The following WDR7 variants were observed in gnomAD, a reference collection of about 807,000 sequenced individuals.
The protein encoded by WDR7 is WD repeat domain 7.
Under a neutral mutation model 169.4 loss-of-function variants are expected in WDR7, and 46 were observed. That is an observed-to-expected ratio of 0.27 (90% confidence interval 0.21 to 0.35). The LOEUF (loss-of-function observed/expected upper bound fraction) is 0.35. WDR7 is among the 10% of genes least tolerant of loss of function. The pLI, the probability that WDR7 is intolerant of heterozygous loss-of-function variation, is 1.00. For missense variants in WDR7, 1,534 were observed against 1,859.3 expected (o/e 0.83, Z 3.22); for synonymous variants, 612 against 666.8 (o/e 0.92, Z 1.27).
intron 3 of WDR7, among the ~76,000 whole-genome samples, chr18:56,679,982 A>G (rs1226875892): frequency 6.6e-6 from 1 of 152,198 alleles, no homozygotes; most frequent in Non-Finnish European, 1.5e-5. Flanking sequence ...CAGTTTTCAA[A>G]ACATTTTTTG....
chr18:56,743,207 G>A (rs2043647152), intron 14 of WDR7, among the ~76,000 whole-genome samples: 1 of 152,156 alleles, frequency 6.6e-6, no homozygotes, highest in South Asian at 2.1e-4. Context: ...ATGATGAGGA[G>A]TTGCTTTGTT....
intron 15 of WDR7, among the ~76,000 whole-genome samples, 197 bp downstream of exon 15, chr18:56,757,549 G>A (rs919805291): frequency 6.6e-6 from 1 of 152,010 alleles, no homozygotes; most frequent in Admixed American, 6.6e-5. Context: ...ACAATTTTAT[G>A]TATGATTGGC....
At chr18:56,696,493 C>T in intron 12 of WDR7, 31 bp downstream of exon 12, 1 of 1,555,672 alleles carries the variant, frequency 6.4e-7, no homozygotes, top group Non-Finnish European at 8.7e-7. Flanking sequence ...GATTATTTCA[C>T]TATGGTAGAG....
Position 56,756,713 on chromosome 18 carries a change from C to A in WDR7, c.2120C>A (p.Ala707Asp), listed in dbSNP as rs2043896191. Residue 707 changes from alanine (A) to aspartate (D), a missense_variant, in exon 15 of 28, where the codon GCC becomes GAC. Physicochemically the swap from Ala to Asp is moderately radical, Grantham distance 126. Coordinates refer to ENST00000254442, the MANE Select transcript of WDR7 (RefSeq NM_015285.3). Reference protein sequence around the residue: ...ALIIQLLTEEASRPNTALISP... With the variant: ...ALIIQLLTEEDSRPNTALISP... ...ATTATTCAACTCCTGACTGAAGAAG[C>A]CTCTAGGCCGAATACTGCTCTTATT... 4 of 1,614,156 alleles carry A rather than the reference C, an allele frequency of 2.5e-6. No individual in the cohort carries two copies. The highest frequency in any genetic ancestry group is 1.7e-5 in the Admixed American group (1 of 60,022).
At chr18:56,920,798 C>G (rs1227460213) in intron 21 of WDR7, among the ~76,000 whole-genome samples, 1 of 152,090 alleles carries the variant, frequency 6.6e-6, no homozygotes, top group Non-Finnish European at 1.5e-5. Flanking sequence ...TTATGGGAGG[C>G]AAAATTCATA....
intron 21 of WDR7, among the ~76,000 whole-genome samples, chr18:56,893,358 A>T (rs1183000987): frequency 6.6e-6 from 1 of 152,068 alleles, no homozygotes; most frequent in Non-Finnish European, 1.5e-5. Flanking sequence ...TATAAGTTCA[A>T]ACAATTTTTT....
At position 56,939,392 on chromosome 18, in the gene WDR7, A is replaced by G; in HGVS notation, c.4063A>G (p.Arg1355Gly). Residue 1355 changes from arginine to glycine, a missense_variant and splice_region_variant, in exon 25 of 28, where the codon AGG becomes GGG. Transcript: ENST00000254442. Reference sequence around the variant, plus strand: ...TCAAGAATGTTTCCCAGCCATCTGCAGGTAAAGAAGCCTTCAAGAGCATGC... The same window carrying G: ...TCAAGAATGTTTCCCAGCCATCTGCGGGTAAAGAAGCCTTCAAGAGCATGC... Reference protein sequence around the residue: ...GLQECFPAICRFYMVSYYERN... With the variant: ...GLQECFPAICGFYMVSYYERN... 1 of 1,566,486 alleles carries G rather than the reference A, an allele frequency of 6.4e-7. No homozygotes were observed. The highest frequency in any genetic ancestry group is 2.3e-5 in the East Asian group (1 of 43,640).
chr18:56,902,878 GT>G (rs1042308889), intron 21 of WDR7, among the ~76,000 whole-genome samples: 3 of 152,174 alleles, frequency 2.0e-5, no homozygotes, highest in African/African-American at 7.2e-5. Flanking sequence ...GATAGAAAGT[GT>G]TTTGGTTAAC....
intron 20 of WDR7, chr18:56,874,025 C>T (rs994354464): frequency 1.8e-4 from 28 of 152,238 alleles, no homozygotes; most frequent in African/African-American, 6.3e-4. Context: ...ATGGAGCATG[C>T]TCTTGCTGAG....
At chr18:56,918,351 T>G (rs929494489) in intron 21 of WDR7, among the ~76,000 whole-genome samples, 7 of 152,170 alleles carry the variant, frequency 4.6e-5, no homozygotes, top group African/African-American at 1.7e-4. Context: ...TAAAAGGTCT[T>G]ACTGTTTGTG....
At chr18:56,897,400 C>CA (rs1420679772) in intron 21 of WDR7, among the ~76,000 whole-genome samples, 1 of 47,608 alleles carries the variant, frequency 2.1e-5, no homozygotes, top group South Asian at 9.9e-4. Flanking sequence ...ATATACTGAG[C>CA]AAAAAAAGAA....
chr18:56,958,834 T>A (rs1326839973), intron 25 of WDR7, among the ~76,000 whole-genome samples: 1 of 152,168 alleles, frequency 6.6e-6, no homozygotes, highest in Non-Finnish European at 1.5e-5. Context: ...AAATCCATGT[T>A]TAGCATAGAT....
intron 26 of WDR7, among the ~76,000 whole-genome samples, chr18:56,985,379 T>C (rs991355737): frequency 8.5e-5 from 13 of 152,208 alleles, no homozygotes; most frequent in Non-Finnish European, 1.9e-4. Context: ...ACATGTATTT[T>C]CAAAACCAAA....
intron 18 of WDR7, 100 bp from the exon 19 acceptor site, chr18:56,781,425 GGTTTTTAT>G: frequency 8.4e-7 from 1 of 1,196,824 alleles, no homozygotes; most frequent in Non-Finnish European, 1.1e-6. Flanking sequence ...AAATAAATAT[GGTTTTTAT>G]GTTTTCTAGC....
intron 21 of WDR7, among the ~76,000 whole-genome samples, chr18:56,880,642 T>C (rs1293307104): frequency 6.6e-6 from 1 of 152,212 alleles, no homozygotes; most frequent in Non-Finnish European, 1.5e-5. Context: ...TAAATTTGTA[T>C]ATGTGATAAT....
intron 13 of WDR7, chr18:56,721,686 A>T (rs770227638): frequency 6.6e-6 from 1 of 152,216 alleles, no homozygotes; most frequent in Admixed American, 6.5e-5. Context: ...ATGCAGTGCC[A>T]TTCTCACAGG....
At chr18:56,862,373 A>G (rs2045818963) in intron 20 of WDR7, among the ~76,000 whole-genome samples, 1 of 151,470 alleles carries the variant, frequency 6.6e-6, no homozygotes, top group Admixed American at 6.6e-5. Flanking sequence ...AAAGTTTGTG[A>G]TAAACTCTCT....
chr18:57,028,319 A>G lies in WDR7; in HGVS notation c.*1112A>G, dbSNP rs1363654109. 3.3e-5 allele frequency: 5 copies of G among 152,262 alleles called. No homozygotes were observed. The highest frequency in any genetic ancestry group is 9.6e-5 in the African/African-American group (4 of 41,474). The allele number at this position is 152,262 out of a possible 1,614,324, so 9.4% of individuals were successfully genotyped here. ...TGTGGGCTCTCGATTTATTTGAGCA[A>G]ACATTGCAATGAGGGTGTTCATTAT... On this transcript the variant is annotated 3_prime_UTR_variant, in exon 28 of 28. Transcript: ENST00000254442.
At chr18:57,017,454 G>GCA (rs2048223727) in intron 26 of WDR7, among the ~76,000 whole-genome samples, 1 of 147,064 alleles carries the variant, frequency 6.8e-6, no homozygotes, top group African/African-American at 2.5e-5. Context: ...GCATGTGTGT[G>GCA]TGCTGTTCTT....
Sources: gnomAD v4.1 joint callset for allele counts (sites outside exome capture counted in the v4.1 genomes callset) on GRCh38, gnomAD v4.1.1 for gene constraint, MANE v1.5 for transcripts, NCBI Gene and HGNC (gene_info 2026-07-23, HGNC 2026-07-21) for gene names.